Variants in ICA1 observed in about 807,000 individuals in gnomAD.
ICA1 encodes the protein islet cell autoantigen 1.
ICA1 carries 40 observed loss-of-function variants against 71.0 expected under a neutral mutation model. The ratio of observed to expected loss-of-function variants is 0.56; its 90% CI spans 0.44 to 0.73. ICA1 has a LOEUF of 0.73. Among genes scored for constraint, ICA1 ranks in the 30% least tolerant of loss-of-function variants. The pLI, the probability that ICA1 is intolerant of heterozygous loss-of-function variation, is 0.00. For missense variants in ICA1, 578 were observed against 576.5 expected, an observed-to-expected ratio of 1.00 and a Z score of -0.03; for synonymous variants, 207 against 209.5, an observed-to-expected ratio of 0.99 and a Z score of 0.10.
At chr7:8,195,608 A>G (rs1787195742) in intron 6 of ICA1, among the ~76,000 whole-genome samples, 1 of 152,048 alleles carries the variant, frequency 6.6e-6, no homozygotes, top group Non-Finnish European at 1.5e-5. Flanking sequence ...ACTTTGAAAG[A>G]CAGTTTGACA....
intron 6 of ICA1, among the ~76,000 whole-genome samples, chr7:8,214,933 A>T (rs973975524): frequency 6.6e-6 from 1 of 152,210 alleles, no homozygotes; most frequent in Non-Finnish European, 1.5e-5. Flanking sequence ...CAGCAATTAA[A>T]GTGGTGCTAC....
intron 12 of ICA1, among the ~76,000 whole-genome samples, 179 bp from the exon 13 acceptor site, chr7:8,128,321 C>T (rs575857560): frequency 8.5e-5 from 13 of 152,328 alleles, no homozygotes; most frequent in East Asian, 1.9e-4. Flanking sequence ...AATTAAATTT[C>T]GAATCCCATG....
intron 6 of ICA1, among the ~76,000 whole-genome samples, chr7:8,184,497 G>A (rs1041944130): frequency 6.6e-6 from 1 of 152,186 alleles, no homozygotes; most frequent in Admixed American, 6.5e-5. Context: ...GGGTTGGAGA[G>A]GGGAGGAAAT....
At chr7:8,122,424 C>T (rs1016958095) in intron 13 of ICA1, among the ~76,000 whole-genome samples, 6 of 152,232 alleles carry the variant, frequency 3.9e-5, no homozygotes, top group African/African-American at 1.2e-4. Flanking sequence ...TTCTATAAAA[C>T]AGGTGTAGAG....
Position 8,158,580 on chromosome 7 carries a change from G to C in ICA1, c.652C>G (p.Leu218Val). 1 of 1,614,090 alleles carries C rather than the reference G, an allele frequency of 6.2e-7. No homozygotes were observed. The highest frequency in any genetic ancestry group is 8.5e-7 in the Non-Finnish European group (1 of 1,179,986). ...AGATTGCATCTGCTCGCTCCAAGAA[G>C]ATCCACTTTTTGACAAACATCCATC... ...LKMDVCQKVD[L>V]LGASRCNLLS... Residue 218 changes from leucine to valine, a missense_variant, in exon 7 of 14, where the codon CTT becomes GTT. By Grantham distance (32) the Leu-to-Val change is conservative. Transcript: ENST00000402384.
rs563047626 is a variant in ICA1, at chr7:8,234,203, G to A, written c.18-1448C>T. The stretch of plus-strand genomic sequence containing the variant: ...TGCACTTCATCCTGGGATACGGGGC[G>A]AGACCCTGTCCCTCAAAAAAGAAAA... On this transcript the variant is annotated intron_variant, in intron 2 of 13. Coordinates refer to ENST00000402384, the MANE Select transcript of ICA1 (RefSeq NM_001136020.3). This position sits in a 1 kb window ranked among gnomAD's most constrained non-coding sequence, Gnocchi z 4.5. 2.6e-5 allele frequency among the ~76,000 whole-genome samples: 4 copies of A among 152,242 alleles called. No individual in the cohort carries two copies. Among genetic ancestry groups the A allele is most frequent in the Non-Finnish European group, 4.4e-5 (3 of 68,010 alleles).
intron 1 of ICA1, among the ~76,000 whole-genome samples, chr7:8,242,399 G>A (rs1804287238): frequency 1.3e-5 from 2 of 152,276 alleles, no homozygotes; most frequent in Non-Finnish European, 2.9e-5. Flanking sequence ...CAGAATCTCT[G>A]GGACACATTT....
intron 6 of ICA1, among the ~76,000 whole-genome samples, chr7:8,165,775 G>C (rs1805706064): frequency 6.6e-6 from 1 of 152,116 alleles, no homozygotes; most frequent in Non-Finnish European, 1.5e-5. Flanking sequence ...ATTCACAATA[G>C]CCACAAAAGG....
intron 6 of ICA1, among the ~76,000 whole-genome samples, chr7:8,178,805 T>C (rs531168559): frequency 2.6e-5 from 4 of 152,290 alleles, no homozygotes; most frequent in Admixed American, 2.6e-4. Context: ...ACACACCTGA[T>C]CCAGTAACGC....
chr7:8,163,915 G>C (rs1804855567), intron 6 of ICA1, among the ~76,000 whole-genome samples: 1 of 152,104 alleles, frequency 6.6e-6, no homozygotes, highest in African/African-American at 2.4e-5. Context: ...AAAAACACTG[G>C]AGGCTTTTAA....
At chr7:8,199,844 G>A (rs1018168873) in intron 6 of ICA1, among the ~76,000 whole-genome samples, 21 of 152,150 alleles carry the variant, frequency 1.4e-4, no homozygotes, top group African/African-American at 5.1e-4. Flanking sequence ...ACTTATTTGT[G>A]GAACCTAAAC....
At chr7:8,209,189 C>G (rs1792733689) in intron 6 of ICA1, among the ~76,000 whole-genome samples, 1 of 152,194 alleles carries the variant, frequency 6.6e-6, no homozygotes, top group African/African-American at 2.4e-5. Flanking sequence ...GTTAAGCAAG[C>G]TTTTCCCTTA....
intron 12 of ICA1, among the ~76,000 whole-genome samples, chr7:8,135,341 A>C (rs10215221): frequency 0.68 from 103,511 of 151,946 alleles, 36,675 homozygotes; most frequent in East Asian, 0.94. Context: ...TCTTTATAGA[A>C]ATCTTTATAA....
chr7:8,224,133 G>C (rs1245240295), intron 4 of ICA1, among the ~76,000 whole-genome samples: 4 of 152,142 alleles, frequency 2.6e-5, no homozygotes, highest in Non-Finnish European at 5.9e-5. Context: ...AAAATACCAG[G>C]CAGAGCAATG....
Position 8,245,753 on chromosome 7 carries a change from ATG to A in ICA1, c.-79-9750_-79-9749del, listed in dbSNP as rs950295127. Reference sequence around the variant, plus strand: ...TTTTGTACCAAGTTTAAAATATAGTATGTTATACTTTCAGCAAATCTCAATTC... The same window carrying A: ...TTTTGTACCAAGTTTAAAATATAGTATTATACTTTCAGCAAATCTCAATTC... On this transcript the variant is annotated intron_variant, in intron 1 of 13. Coordinates refer to ENST00000402384, the MANE Select transcript of ICA1 (RefSeq NM_001136020.3). Among the ~76,000 whole-genome samples, 299 of 152,304 alleles carry A rather than the reference ATG, an allele frequency of 2.0e-3. 3 individuals carry two copies. Among genetic ancestry groups the A allele is most frequent in the African/African-American group, 6.6e-3 (276 of 41,568 alleles).
intron 6 of ICA1, among the ~76,000 whole-genome samples, chr7:8,176,888 T>C (rs1442302711): frequency 1.3e-5 from 2 of 152,186 alleles, no homozygotes; most frequent in Non-Finnish European, 2.9e-5. Flanking sequence ...TCGGAAACAT[T>C]AAGCACTCAA....
At chr7:8,255,200 C>A (rs942806217) in intron 1 of ICA1, among the ~76,000 whole-genome samples, 2 of 152,130 alleles carry the variant, frequency 1.3e-5, no homozygotes, top group Non-Finnish European at 2.9e-5. Flanking sequence ...TTCTCAGTTC[C>A]CATCCTCTTC....
At chr7:8,259,457 C>G (rs917333891) in intron 1 of ICA1, among the ~76,000 whole-genome samples, 1 of 152,178 alleles carries the variant, frequency 6.6e-6, no homozygotes, top group Non-Finnish European at 1.5e-5. Flanking sequence ...ATTTGAACTA[C>G]TCAAAACCAA....
chr7:8,143,379 A>G (rs977638499), intron 9 of ICA1, among the ~76,000 whole-genome samples: 1 of 152,216 alleles, frequency 6.6e-6, no homozygotes, highest in Non-Finnish European at 1.5e-5. Flanking sequence ...GACATTCTGC[A>G]TGGTAGAAAA....
Sources: allele counts gnomAD v4.1 joint callset (sites outside exome capture counted in the v4.1 genomes callset), GRCh38; gene constraint gnomAD v4.1.1; non-coding constraint Gnocchi (gnomAD v3.1); transcripts MANE v1.5; gene names NCBI Gene and HGNC (gene_info 2026-07-23, HGNC 2026-07-21).